FOXP2: variants seen among roughly 807,000 people sequenced by gnomAD.
The protein encoded by FOXP2 is forkhead box protein P2.
A neutral mutation model predicts 115.8 loss-of-function variants in FOXP2; 12 were observed. That is an observed-to-expected ratio of 0.10 (90% CI 0.07 to 0.17). FOXP2 has a LOEUF of 0.17. Ranked by LOEUF, FOXP2 falls within the 10% of genes least tolerant of loss-of-function variation. The probability of loss-of-function intolerance (pLI) is 1.00; values close to 1 mark genes in which losing one functional copy is unlikely to be tolerated. For missense variants in FOXP2, 629 were observed against 843.5 expected, an observed-to-expected ratio of 0.75 and a Z score of 3.15; for synonymous variants, 328 against 297.7, an observed-to-expected ratio of 1.10 and a Z score of -1.05.
At chr7:114,357,558 AAAGGACCAC>A (rs1166038296) in intron 2 of FOXP2, among the ~76,000 whole-genome samples, 1 of 152,088 alleles carries the variant, frequency 6.6e-6, no homozygotes, top group Non-Finnish European at 1.5e-5. Context: ...CCTACTACTC[AAAGGACCAC>A]ACGGTTCTTT....
intron 2 of FOXP2, among the ~76,000 whole-genome samples, chr7:114,507,817 A>C (rs1227648602): frequency 6.6e-6 from 1 of 151,936 alleles, no homozygotes; most frequent in Non-Finnish European, 1.5e-5. Flanking sequence ...TTTGAGGGAG[A>C]GAGAAATTAG....
chr7:114,217,333 G>A (rs553712338), intron 1 of FOXP2, among the ~76,000 whole-genome samples: 6 of 152,056 alleles, frequency 3.9e-5, no homozygotes, highest in South Asian at 4.1e-4. Flanking sequence ...TTAACTTCTC[G>A]GTTTAAATTA....
intron 1 of FOXP2, among the ~76,000 whole-genome samples, chr7:114,258,045 A>G (rs1795665279): frequency 6.6e-6 from 1 of 152,220 alleles, no homozygotes; most frequent in African/African-American, 2.4e-5. Context: ...GAATTTGGGA[A>G]GAGTTTTGAA....
rs1055360924 is a variant in FOXP2 at position 114,245,317 on chromosome 7, A to G, written c.-101-42702A>G. ...TGAATAAGTGAATACATGCATATTT[A>G]TACCTATTCATGAGAAGAATGAGAA... On this transcript the variant is annotated intron_variant, in intron 1 of 17. Coordinates refer to the FOXP2 transcript ENST00000634411. 2.0e-5 allele frequency among the ~76,000 whole-genome samples: 3 copies of G among 152,316 alleles called. No homozygotes were observed. In the East Asian group the frequency reaches 5.8e-4, roughly 29 times the overall value.
At chr7:114,605,892 A>G in intron 3 of FOXP2, among the ~76,000 whole-genome samples, 1 of 152,112 alleles carries the variant, frequency 6.6e-6, no homozygotes, top group Middle Eastern at 3.2e-3. Flanking sequence ...GCCTAAAGAG[A>G]TTTGTATTTT....
At position 114,090,088 on chromosome 7, in the gene FOXP2, A is replaced by C. The variant is rs574960319; in HGVS notation, c.-247+2250A>C. 3.9e-4 allele frequency among the ~76,000 whole-genome samples: 59 copies of C among 152,048 alleles called. 1 individual carries two copies. The highest frequency in any genetic ancestry group is 7.5e-4 in the Non-Finnish European group (51 of 67,788). ...CCCTTGTTTGTTTTTGTGTCATGTT[A>C]AATCAGCTATTAGTTATAATACTGA... On this transcript the variant is annotated intron_variant, in intron 1 of 19. Coordinates refer to the FOXP2 transcript ENST00000635638.
At chr7:114,287,905 T>C in intron 1 of FOXP2, 1 of 288,260 alleles carries the variant, frequency 3.5e-6, no homozygotes, top group Non-Finnish European at 6.9e-6. Context: ...ACATTAACAA[T>C]TTTTATTTTA....
intron 3 of FOXP2, 107 bp downstream of exon 3, chr7:114,534,813 T>A (rs1799301249): frequency 1.2e-6 from 1 of 821,668 alleles, no homozygotes; most frequent in East Asian, 2.5e-5. Context: ...TACATTTGCA[T>A]ATGTAGGTAA....
chr7:114,128,783 TA>T (rs552586299), intron 1 of FOXP2, among the ~76,000 whole-genome samples: 67 of 152,222 alleles, frequency 4.4e-4, no homozygotes, highest in Admixed American at 1.1e-3. Flanking sequence ...AAGCATTTAA[TA>T]AATGCTAATT....
intron 3 of FOXP2, among the ~76,000 whole-genome samples, chr7:114,619,350 T>G (rs1234893356): frequency 6.6e-6 from 1 of 152,120 alleles, no homozygotes; most frequent in Non-Finnish European, 1.5e-5. Flanking sequence ...GTGTTATCAC[T>G]CAGATCTCAT....
intron 2 of FOXP2, among the ~76,000 whole-genome samples, chr7:114,387,044 C>A (rs1792471413): frequency 6.6e-6 from 1 of 152,160 alleles, no homozygotes; most frequent in African/African-American, 2.4e-5. Context: ...TCTTCTGTGA[C>A]ACATTACTAA....
chr7:114,637,310 C>A (rs1046926348), intron 6 of FOXP2, among the ~76,000 whole-genome samples: 2 of 152,134 alleles, frequency 1.3e-5, no homozygotes, highest in African/African-American at 2.4e-5. Context: ...AAGTTATCAA[C>A]CAAAAGTAGA....
At chr7:114,635,856 A>G (rs889410783) in intron 6 of FOXP2, among the ~76,000 whole-genome samples, 8 of 152,172 alleles carry the variant, frequency 5.3e-5, no homozygotes, top group East Asian at 1.9e-4. Flanking sequence ...TGGTTTTGTA[A>G]TAGAATATCC....
intron 2 of FOXP2, among the ~76,000 whole-genome samples, chr7:114,389,133 A>G (rs1160875381): frequency 6.6e-6 from 1 of 152,262 alleles, no homozygotes; most frequent in Non-Finnish European, 1.5e-5. Context: ...TATCATAGGT[A>G]TAGTGAATGT....
chr7:114,675,515 G>A (rs1807706870), intron 16 of FOXP2, among the ~76,000 whole-genome samples: 1 of 152,132 alleles, frequency 6.6e-6, no homozygotes, highest in African/African-American at 2.4e-5. Flanking sequence ...GTAAGAATGA[G>A]GGTTTTGCCA....
intron 2 of FOXP2, among the ~76,000 whole-genome samples, chr7:114,492,995 G>A (rs1443271618): frequency 6.6e-6 from 1 of 151,938 alleles, no homozygotes; most frequent in Non-Finnish European, 1.5e-5. Flanking sequence ...ATCTGTCTAA[G>A]GTTGACAGTG....
intron 2 of FOXP2, among the ~76,000 whole-genome samples, chr7:114,510,897 C>A (rs1562967612): frequency 6.6e-6 from 1 of 152,178 alleles, no homozygotes; most frequent in African/African-American, 2.4e-5. Context: ...TATAAAGACA[C>A]ATGCACACGT....
intron 1 of FOXP2, among the ~76,000 whole-genome samples, chr7:114,237,044 GTA>G (rs1467802731): frequency 6.6e-6 from 1 of 152,150 alleles, no homozygotes; most frequent in African/African-American, 2.4e-5. Flanking sequence ...GTATTTGTGT[GTA>G]TATGTGTATG....
At chr7:114,116,463 T>C (rs1791410737) in intron 1 of FOXP2, among the ~76,000 whole-genome samples, 1 of 152,132 alleles carries the variant, frequency 6.6e-6, no homozygotes, top group Non-Finnish European at 1.5e-5. Context: ...TCAAGAAGAT[T>C]AGAATTGTAT....
Sources: allele counts gnomAD v4.1 joint callset (sites outside exome capture counted in the v4.1 genomes callset), GRCh38; gene constraint gnomAD v4.1.1; transcripts MANE v1.5; gene names NCBI Gene and HGNC (gene_info 2026-07-23, HGNC 2026-07-21).